MACROD2: variants seen among roughly 807,000 people sequenced by gnomAD.
The protein encoded by MACROD2 is ADP-ribose glycohydrolase MACROD2.
A neutral mutation model predicts 70.4 loss-of-function variants in MACROD2; 36 were observed. The ratio of observed to expected loss-of-function variants is 0.51; its 90% CI spans 0.39 to 0.68. The LOEUF is 0.68. Ranked by LOEUF, MACROD2 falls within the 30% of genes least tolerant of loss-of-function variation. The pLI, the probability that MACROD2 is intolerant of heterozygous loss-of-function variation, is 0.00. For missense variants in MACROD2, 496 were observed against 538.4 expected (o/e 0.92, Z 0.78); for synonymous variants, 172 against 178.8 (o/e 0.96, Z 0.30).
intron 8 of MACROD2, among the ~76,000 whole-genome samples, chr20:15,668,340 G>A (rs142958158): frequency 0.018 from 2,715 of 152,030 alleles, 34 homozygotes; most frequent in African/African-American, 0.026. Context: ...GGCCAAGGCA[G>A]GCAGATCACC....
chr20:15,468,331 A>G (rs1212409446), intron 7 of MACROD2, among the ~76,000 whole-genome samples: 1 of 151,990 alleles, frequency 6.6e-6, no homozygotes. Context: ...TATTGATTTC[A>G]GTTAGTGGGA....
chr20:14,598,835 C>T (rs1600436770), intron 4 of MACROD2, among the ~76,000 whole-genome samples: 1 of 152,170 alleles, frequency 6.6e-6, no homozygotes, highest in East Asian at 1.9e-4. Context: ...TGCCACAAAT[C>T]TTGGGCTAGA....
At chr20:15,564,328 C>G (rs1173993858) in intron 8 of MACROD2, among the ~76,000 whole-genome samples, 1 of 152,158 alleles carries the variant, frequency 6.6e-6, no homozygotes, top group African/African-American at 2.4e-5. Flanking sequence ...CTGCAGGTCA[C>G]TTTTTGGTTA....
intron 6 of MACROD2, among the ~76,000 whole-genome samples, chr20:15,366,036 G>C (rs751511989): frequency 2.0e-5 from 3 of 152,158 alleles, no homozygotes; most frequent in Non-Finnish European, 2.9e-5. Context: ...TAGAGATATA[G>C]GAATGTAAGA....
chr20:14,264,016 CACACACACACA>C, intron 3 of MACROD2, among the ~76,000 whole-genome samples: 2 of 103,958 alleles, frequency 1.9e-5, no homozygotes, highest in South Asian at 6.0e-4. Context: ...CACACACACA[CACACACACACA>C]ACACAAGTGA....
chr20:15,571,102 C>G (rs2048371188), intron 8 of MACROD2, among the ~76,000 whole-genome samples: 1 of 152,130 alleles, frequency 6.6e-6, no homozygotes, highest in South Asian at 2.1e-4. Flanking sequence ...AAATTTAACT[C>G]TTAAGGTATA....
chr20:15,773,202 C>A (rs1443394241), intron 8 of MACROD2, among the ~76,000 whole-genome samples: 1 of 152,062 alleles, frequency 6.6e-6, no homozygotes, highest in Non-Finnish European at 1.5e-5. Context: ...ATCTTGTCTA[C>A]AAATAATTGG....
chr20:14,991,573 GA>G (rs1256651649), intron 5 of MACROD2, among the ~76,000 whole-genome samples: 4 of 152,150 alleles, frequency 2.6e-5, no homozygotes, highest in African/African-American at 9.7e-5. Context: ...ACAAGACTAT[GA>G]TAAGGACCAA....
chr20:15,599,465 G>A (rs539672400), intron 8 of MACROD2, among the ~76,000 whole-genome samples: 10 of 151,836 alleles, frequency 6.6e-5, no homozygotes, highest in Admixed American at 3.9e-4. Flanking sequence ...CCCTTTACAC[G>A]AAACAGTGGT....
chr20:15,364,826 C>A (rs575040269), intron 6 of MACROD2, among the ~76,000 whole-genome samples: 2 of 152,320 alleles, frequency 1.3e-5, no homozygotes, highest in East Asian at 3.9e-4. Context: ...GTTGTGAAAG[C>A]ATTACCCTCA....
chr20:15,065,752 T>A (rs2075569393), intron 5 of MACROD2, among the ~76,000 whole-genome samples: 1 of 152,156 alleles, frequency 6.6e-6, no homozygotes, highest in African/African-American at 2.4e-5. Context: ...ATTTATCTCA[T>A]AAAAGTTGCT....
chr20:15,006,803 G>C (rs1568922819), intron 5 of MACROD2, among the ~76,000 whole-genome samples: 1 of 152,074 alleles, frequency 6.6e-6, no homozygotes, highest in East Asian at 1.9e-4. Context: ...CTGCTCTCGG[G>C]CTGGCTGCCT....
intron 5 of MACROD2, among the ~76,000 whole-genome samples, chr20:15,107,061 T>A (rs2075916497): frequency 7.7e-6 from 1 of 129,316 alleles, no homozygotes; most frequent in Non-Finnish European, 1.6e-5. Context: ...GTTCTGTAAT[T>A]CATAACATTT....
chr20:14,158,097 C>T (rs1359215202), intron 3 of MACROD2, among the ~76,000 whole-genome samples: 1 of 151,986 alleles, frequency 6.6e-6, no homozygotes, highest in Non-Finnish European at 1.5e-5. Flanking sequence ...CTTTCTTTGT[C>T]TTTTTAGTAA....
At chr20:15,581,829 A>C (rs2048528717) in intron 8 of MACROD2, among the ~76,000 whole-genome samples, 1 of 152,122 alleles carries the variant, frequency 6.6e-6, no homozygotes, top group African/African-American at 2.4e-5. Context: ...AGCAAAATGA[A>C]ATAAACCACT....
chr20:14,331,833 T>A (rs2082847142), intron 3 of MACROD2, among the ~76,000 whole-genome samples: 1 of 152,062 alleles, frequency 6.6e-6, no homozygotes, highest in South Asian at 2.1e-4. Context: ...AGAAATACTG[T>A]AGTCAAATGT....
At chr20:15,473,302 G>C (rs2046983290) in intron 7 of MACROD2, among the ~76,000 whole-genome samples, 1 of 152,140 alleles carries the variant, frequency 6.6e-6, no homozygotes, top group Admixed American at 6.5e-5. Flanking sequence ...TAGAGTATGG[G>C]GTGCTGAAGA....
intron 5 of MACROD2, among the ~76,000 whole-genome samples, chr20:15,006,671 C>A (rs2122918541): frequency 6.6e-6 from 1 of 152,092 alleles, no homozygotes; most frequent in East Asian, 1.9e-4. Context: ...ATAAACAAAG[C>A]AAAACAAAAC....
At chr20:14,524,888 G>A (rs943841235) in intron 4 of MACROD2, among the ~76,000 whole-genome samples, 5 of 152,106 alleles carry the variant, frequency 3.3e-5, no homozygotes, top group African/African-American at 1.2e-4. Flanking sequence ...TCTCTGTATT[G>A]CTTTCCTCTT....
Sources: allele counts gnomAD v4.1 joint callset (sites outside exome capture counted in the v4.1 genomes callset), GRCh38; gene constraint gnomAD v4.1.1; transcripts MANE v1.5; gene names NCBI Gene and HGNC (gene_info 2026-07-23, HGNC 2026-07-21).